Variants in MBD5 observed in about 807,000 individuals in gnomAD.
The protein encoded by MBD5 is methyl-CpG-binding domain protein 5.
In MBD5, 13 loss-of-function variants were observed where a neutral mutation model predicts 117.3. The observed-to-expected ratio is 0.11, with a 90% CI of 0.07 to 0.18. The LOEUF (loss-of-function observed/expected upper bound fraction) is 0.18. Among genes scored for constraint, MBD5 ranks in the 10% least tolerant of loss-of-function variants. MBD5 has a pLI of 1.00. For synonymous variants in MBD5, 727 were observed against 766.4 expected (o/e 0.95, Z 0.85); for missense variants, 1,879 against 2,093.8 (o/e 0.90, Z 2.00).
chr2:148,040,570 TGTAA>T (rs962039374), intron 1 of MBD5, among the ~76,000 whole-genome samples: 5 of 152,228 alleles, frequency 3.3e-5, no homozygotes, highest in East Asian at 3.8e-4. Flanking sequence ...AAATAATTGC[TGTAA>T]GTGACAATGA....
At chr2:148,444,604 T>A (rs990068020) in intron 4 of MBD5, among the ~76,000 whole-genome samples, 2 of 151,168 alleles carry the variant, frequency 1.3e-5, no homozygotes, top group African/African-American at 2.5e-5. Context: ...AGAAATGAGA[T>A]CATTTGCAAA....
At chr2:148,485,064 C>T (rs1488445657) in intron 9 of MBD5, 1 of 152,028 alleles carries the variant, frequency 6.6e-6, no homozygotes, top group African/African-American at 2.4e-5. Context: ...TGACATTCTC[C>T]TCAAGAAAAT....
chr2:148,073,891 A>AT (rs1366712514), intron 1 of MBD5, among the ~76,000 whole-genome samples: 1 of 152,136 alleles, frequency 6.6e-6, no homozygotes, highest in Non-Finnish European at 1.5e-5. Context: ...AGAAATGTGC[A>AT]TTTTTTATAA....
At chr2:148,110,013 A>G (rs1197234556) in intron 1 of MBD5, among the ~76,000 whole-genome samples, 1 of 152,134 alleles carries the variant, frequency 6.6e-6, no homozygotes. Flanking sequence ...AAGTTAATAT[A>G]TTTTCACCAT....
chr2:148,489,976 T>C lies in MBD5; in HGVS notation c.4344T>C (p.Phe1448=), dbSNP rs1479751241. The change falls in exon 11 of 14, where the codon TTT becomes TTC. Residue 1448 remains phenylalanine (F), a synonymous_variant. Transcript: ENST00000642680. The part of the protein sequence containing the change: ...GERNRWKYEE[F]LDHPGHIHSS... Reference sequence around the variant, plus strand: ...GAAACAGGTGGAAGTACGAGGAATTTTTAGATCATCCAGGCCATATCCACA... The same window carrying C: ...GAAACAGGTGGAAGTACGAGGAATTCTTAGATCATCCAGGCCATATCCACA... The C allele has an allele frequency of 6.2e-7, 1 of 1,613,832 alleles. No individual in the cohort carries two copies. Among genetic ancestry groups the C allele is most frequent in the Admixed American group, 1.7e-5 (1 of 59,998 alleles).
chr2:148,474,505 G>C (rs557893257), intron 8 of MBD5, among the ~76,000 whole-genome samples: 8 of 152,070 alleles, frequency 5.3e-5, no homozygotes, highest in African/African-American at 1.9e-4. Flanking sequence ...ACTTTAAAAT[G>C]ACTTTTATGT....
At chr2:148,152,984 G>T (rs1242506663) in intron 1 of MBD5, among the ~76,000 whole-genome samples, 1 of 151,570 alleles carries the variant, frequency 6.6e-6, no homozygotes, top group East Asian at 2.0e-4. Flanking sequence ...CTGTCATTAT[G>T]ATGTTAGCTG....
Position 148,386,881 on chromosome 2 carries a change from G to T in MBD5, c.-557+44545G>T, listed in dbSNP as rs144899847. 5.9e-5 allele frequency among the ~76,000 whole-genome samples: 9 copies of T among 152,120 alleles called. 1 individual carries two copies. The East Asian group carries it at 1.7e-3, about 29-fold the overall frequency. ...TCAAGAAAATATTGAAAGCTAAAAT[G>T]GTCCTGTAAATATTAAAGAATCAAA... On this transcript the variant is annotated intron_variant, in intron 4 of 13. Transcript: ENST00000642680.
intron 3 of MBD5, among the ~76,000 whole-genome samples, chr2:148,239,552 A>G (rs911893340): frequency 1.2e-4 from 19 of 152,146 alleles, no homozygotes; most frequent in Admixed American, 7.2e-4. Flanking sequence ...TTTTATTATT[A>G]TGGGTAAGAA....
At chr2:148,354,522 A>G (rs1172314177) in intron 4 of MBD5, among the ~76,000 whole-genome samples, 1 of 152,182 alleles carries the variant, frequency 6.6e-6, no homozygotes, top group Non-Finnish European at 1.5e-5. Context: ...TCACTGATGG[A>G]CATTTGGGTT....
At chr2:148,484,231 A>T (rs1681263582) in intron 9 of MBD5, 96 bp downstream of exon 9, 1 of 1,116,812 alleles carries the variant, frequency 9.0e-7, no homozygotes, top group Non-Finnish European at 1.2e-6. Flanking sequence ...CACTATTTTT[A>T]AAAATGTTTT....
chr2:148,241,451 G>A (rs558925637), intron 3 of MBD5, among the ~76,000 whole-genome samples: 2 of 152,264 alleles, frequency 1.3e-5, no homozygotes, highest in East Asian at 3.9e-4. Flanking sequence ...ATGAGCAGTA[G>A]AAGAAATCCT....
chr2:148,456,529 T>C (rs761879310), intron 4 of MBD5, among the ~76,000 whole-genome samples: 11 of 152,092 alleles, frequency 7.2e-5, no homozygotes, highest in African/African-American at 1.7e-4. Flanking sequence ...TAGTAGCTGC[T>C]CACTAACTGT....
At chr2:148,176,307 T>TG (rs1698384756) in intron 1 of MBD5, among the ~76,000 whole-genome samples, 1 of 138,504 alleles carries the variant, frequency 7.2e-6, no homozygotes, top group Non-Finnish European at 1.5e-5. Context: ...GAGTTTTGTT[T>TG]TTTTTTTTTT....
intron 2 of MBD5, among the ~76,000 whole-genome samples, chr2:148,230,916 C>T (rs1699967281): frequency 6.6e-6 from 1 of 152,148 alleles, no homozygotes; most frequent in Admixed American, 6.6e-5. Context: ...GAGCTGGTAT[C>T]CAAGATCCCA....
intron 4 of MBD5, among the ~76,000 whole-genome samples, chr2:148,432,608 A>G (rs1706024127): frequency 6.6e-6 from 1 of 152,062 alleles, no homozygotes; most frequent in South Asian, 2.1e-4. Flanking sequence ...TCCCGTCAAC[A>G]TTTATTGAAT....
intron 8 of MBD5, chr2:148,471,371 A>G (rs953038842): frequency 1.3e-5 from 2 of 152,180 alleles, no homozygotes; most frequent in Non-Finnish European, 2.9e-5. Flanking sequence ...AAATTTGACT[A>G]TGAAAACATT....
intron 4 of MBD5, among the ~76,000 whole-genome samples, chr2:148,415,230 A>C (rs1225586133): frequency 6.6e-6 from 1 of 152,116 alleles, no homozygotes; most frequent in South Asian, 2.1e-4. Context: ...TATCAAGCTT[A>C]GTTTAGCTGG....
intron 4 of MBD5, among the ~76,000 whole-genome samples, chr2:148,449,353 A>C (rs573336069): frequency 6.6e-6 from 1 of 152,168 alleles, no homozygotes; most frequent in East Asian, 1.9e-4. Context: ...TTTCTTTTGC[A>C]ATCTTGTAGG....
Sources: allele counts gnomAD v4.1 joint callset (sites outside exome capture counted in the v4.1 genomes callset), GRCh38; gene constraint gnomAD v4.1.1; transcripts MANE v1.5; gene names NCBI Gene and HGNC (gene_info 2026-07-23, HGNC 2026-07-21).